The following NEMP2 variants were observed in gnomAD, a reference collection of about 807,000 sequenced individuals.
NEMP2 encodes the protein nuclear envelope integral membrane protein 2, also known as UPF0571 transmembrane protein.
In NEMP2, 53 loss-of-function variants were observed where a neutral mutation model predicts 54.2. The observed-to-expected ratio is 0.98, with a 90% CI of 0.78 to 1.23. The LOEUF is 1.23. Among genes scored for constraint, NEMP2 ranks in the 50% most tolerant of loss-of-function variants. NEMP2 has a pLI of 0.00. For missense variants in NEMP2, 455 were observed against 511.3 expected, an observed-to-expected ratio of 0.89 and a Z score of 1.06; for synonymous variants, 197 against 190.3, an observed-to-expected ratio of 1.04 and a Z score of -0.29.
At chr2:190,424,532 T>C in the NEMP2 span, among the ~76,000 whole-genome samples, 1 of 151,996 alleles carries the variant, frequency 6.6e-6, no homozygotes, top group Non-Finnish European at 1.5e-5. The surrounding 1 kb of genome is among the most constrained non-coding windows in gnomAD (Gnocchi z 5.9). Flanking sequence ...ATGGGGTTTC[T>C]CCATGTTGGT....
At chr2:190,483,851 AAAAAAGTT>A in the NEMP2 span, among the ~76,000 whole-genome samples, 24 of 152,102 alleles carry the variant, frequency 1.6e-4, no homozygotes, top group African/African-American at 5.3e-4. Context: ...AAAAAAAAAA[AAAAAAGTT>A]AACGAAAACA....
chr2:190,454,796 G>A, the NEMP2 span, among the ~76,000 whole-genome samples: 1 of 152,116 alleles, frequency 6.6e-6, no homozygotes, highest in Admixed American at 6.5e-5. This position sits in a 1 kb window ranked among gnomAD's most constrained non-coding sequence, Gnocchi z 4.6. Context: ...ATAGAGGGAT[G>A]GGATCCCCAA....
At chr2:190,543,643 C>T in the NEMP2 span, among the ~76,000 whole-genome samples, 2 of 152,172 alleles carry the variant, frequency 1.3e-5, no homozygotes, top group Admixed American at 1.3e-4. This position sits in a 1 kb window ranked among gnomAD's most constrained non-coding sequence, Gnocchi z 4.7. Flanking sequence ...ACTGTCTCAT[C>T]CTCCTATTGG....
chr2:190,636,610 C>T, the NEMP2 span, among the ~76,000 whole-genome samples: 1 of 152,212 alleles, frequency 6.6e-6, no homozygotes, highest in Non-Finnish European at 1.5e-5. Context: ...AGAATGCCCT[C>T]ATTTAAGAAA....
chr2:190,437,272 A>T, the NEMP2 span: 1 of 1,614,156 alleles, frequency 6.2e-7, no homozygotes, highest in Admixed American at 1.7e-5. The surrounding 1 kb of genome is among the most constrained non-coding windows in gnomAD (Gnocchi z 5.9). Flanking sequence ...GGAAAGGAAC[A>T]ACTCTACAGA....
the NEMP2 span, among the ~76,000 whole-genome samples, chr2:190,616,187 G>A: frequency 1.3e-5 from 2 of 152,208 alleles, no homozygotes; most frequent in African/African-American, 2.4e-5. The surrounding 1 kb of genome is among the most constrained non-coding windows in gnomAD (Gnocchi z 5.1). Context: ...TGGATGGAGT[G>A]AGGAGGGATG....
At chr2:190,635,135 G>A in the NEMP2 span, among the ~76,000 whole-genome samples, 2 of 152,174 alleles carry the variant, frequency 1.3e-5, no homozygotes. This position sits in a 1 kb window ranked among gnomAD's most constrained non-coding sequence, Gnocchi z 4.1. Flanking sequence ...TACCATTGCA[G>A]CAACAATGGT....
the NEMP2 span, among the ~76,000 whole-genome samples, chr2:190,642,672 T>A: frequency 5.3e-5 from 8 of 152,150 alleles, no homozygotes; most frequent in Non-Finnish European, 1.0e-4. The surrounding 1 kb of genome is among the most constrained non-coding windows in gnomAD (Gnocchi z 4.1). Flanking sequence ...TCTGGTAATA[T>A]GAATATTCTA....
At chr2:190,613,846 TC>T in the NEMP2 span, among the ~76,000 whole-genome samples, 7 of 152,026 alleles carry the variant, frequency 4.6e-5, no homozygotes, top group East Asian at 1.2e-3. Context: ...CGCCTCGGCC[TC>T]CTAAAGTGCT....
At chr2:190,429,667 A>T in the NEMP2 span, among the ~76,000 whole-genome samples, 3 of 152,032 alleles carry the variant, frequency 2.0e-5, no homozygotes, top group Non-Finnish European at 4.4e-5. Context: ...TTAATGTTTA[A>T]TATACTCTGT....
the NEMP2 span, among the ~76,000 whole-genome samples, chr2:190,445,139 G>A: frequency 1.3e-5 from 2 of 152,110 alleles, no homozygotes; most frequent in African/African-American, 4.8e-5. Flanking sequence ...GGCCTGCTGT[G>A]TGAGCTGAGT....
the NEMP2 span, among the ~76,000 whole-genome samples, chr2:190,542,452 T>A: frequency 6.6e-6 from 1 of 152,234 alleles, no homozygotes; most frequent in Admixed American, 6.5e-5. The surrounding 1 kb of genome is among the most constrained non-coding windows in gnomAD (Gnocchi z 4.6). Context: ...CCTCAAGTGA[T>A]CTGCCCACCT....
At chr2:190,497,390 A>G in the NEMP2 span, 2 of 1,582,172 alleles carry the variant, frequency 1.3e-6, no homozygotes, top group Non-Finnish European at 1.7e-6. This position sits in a 1 kb window ranked among gnomAD's most constrained non-coding sequence, Gnocchi z 5.2. Flanking sequence ...CTTTGTTCAA[A>G]TATGTAGAAA....
At chr2:190,481,507 G>C in the NEMP2 span, among the ~76,000 whole-genome samples, 1 of 152,164 alleles carries the variant, frequency 6.6e-6, no homozygotes, top group Non-Finnish European at 1.5e-5. Context: ...TTCAGCTGCT[G>C]TTACATGTCA....
the NEMP2 span, chr2:190,629,884 CA>C: frequency 3.6e-4 from 55 of 152,346 alleles, no homozygotes; most frequent in African/African-American, 1.2e-3. Flanking sequence ...TCAACAATTT[CA>C]GAGCATTTCT....
chr2:190,533,718 G>A lies in NEMP2; in HGVS notation c.97+841C>T, dbSNP rs940906847. Among the ~76,000 whole-genome samples the A allele has an allele frequency of 3.9e-5, 6 of 152,042 alleles. No homozygotes were observed. The highest frequency in any genetic ancestry group is 1.2e-4 in the African/African-American group (5 of 41,410). On this transcript the variant is annotated intron_variant, in intron 1 of 8. Coordinates refer to ENST00000409150, the MANE Select transcript of NEMP2 (RefSeq NM_001142645.2). This position sits in a 1 kb window ranked among gnomAD's most constrained non-coding sequence, Gnocchi z 4.3. ...TTGAAACCAGGGTAGCCAAAGCAAG[G>A]AAGGGAAGTTGGTAGACAGTGCACC...
At position 190,525,436 on chromosome 2, in the gene NEMP2, T is replaced by A. The variant is rs1055556055; in HGVS notation, c.98-58A>T. The stretch of plus-strand genomic sequence containing the variant: ...CTGTTTAATTGCCCAGAATCTTTTT[T>A]AAAAAAAGTTTGCAGGGAGGTAACA... On this transcript the variant is annotated intron_variant, in intron 1 of 8. Coordinates refer to ENST00000409150, the MANE Select transcript of NEMP2 (RefSeq NM_001142645.2). This position sits in a 1 kb window ranked among gnomAD's most constrained non-coding sequence, Gnocchi z 5.0. 2.8e-6 allele frequency: 3 copies of A among 1,058,830 alleles called. No individual in the cohort carries two copies. Among genetic ancestry groups the A allele is most frequent in the Non-Finnish European group, 2.7e-6 (2 of 731,082 alleles). 65.6% of individuals were successfully genotyped at this position (1,058,830 alleles called of 1,614,324 possible). A position where few individuals can be genotyped will look rare whatever the true frequency, so the allele number is the denominator to read the frequency against.
At chr2:190,488,147 C>T in the NEMP2 span, among the ~76,000 whole-genome samples, 14 of 152,170 alleles carry the variant, frequency 9.2e-5, no homozygotes, top group East Asian at 2.1e-3. The surrounding 1 kb of genome is among the most constrained non-coding windows in gnomAD (Gnocchi z 6.4). Context: ...GTGATCCACC[C>T]GCCTCGGCCT....
chr2:190,481,288 T>A, the NEMP2 span, among the ~76,000 whole-genome samples: 77 of 152,372 alleles, frequency 5.1e-4, no homozygotes, highest in African/African-American at 1.5e-3. Flanking sequence ...AGACTTTTTT[T>A]AAGCAACTCA....
Sources: gnomAD v4.1 joint callset for allele counts (sites outside exome capture counted in the v4.1 genomes callset) on GRCh38, gnomAD v4.1.1 for gene constraint, Gnocchi (gnomAD v3.1) non-coding constraint, MANE v1.5 for transcripts, NCBI Gene and HGNC (gene_info 2026-07-23, HGNC 2026-07-21) for gene names.